NAV2: variants seen among roughly 807,000 people sequenced by gnomAD.
NAV2 encodes helicase, APC down-regulated 1.
NAV2 carries 54 observed loss-of-function variants against 223.2 expected under a neutral mutation model. That is an observed-to-expected ratio of 0.24 (90% CI 0.19 to 0.30). The LOEUF (loss-of-function observed/expected upper bound fraction) is 0.30. Ranked by LOEUF, NAV2 falls within the 10% of genes least tolerant of loss-of-function variation. The pLI, the probability that NAV2 is intolerant of heterozygous loss-of-function variation, is 1.00. For synonymous variants in NAV2, 1,279 were observed against 1,239.3 expected (o/e 1.03, Z -0.67); for missense variants, 2,806 against 3,147.5 (o/e 0.89, Z 2.60).
Position 20,008,549 on chromosome 11 carries a change from T to G in NAV2, c.2768+24302T>G, listed in dbSNP as rs922045949. Among the ~76,000 whole-genome samples the G allele has an allele frequency of 1.4e-4, 21 of 152,310 alleles. No individual in the cohort carries two copies. The East Asian group carries it at 1.7e-3, about 13-fold the overall frequency. Reference sequence around the variant, plus strand: ...CATGCTTGCCATCAGCATCTTAAGCTTGACCCTTAGGATAGAGGCTCAGAT... The same window carrying G: ...CATGCTTGCCATCAGCATCTTAAGCGTGACCCTTAGGATAGAGGCTCAGAT... On this transcript the variant is annotated intron_variant, in intron 11 of 37. Transcript: ENST00000349880.
chr11:19,884,765 T>G (rs2153105213), intron 5 of NAV2, among the ~76,000 whole-genome samples: 1 of 141,988 alleles, frequency 7.0e-6, no homozygotes, highest in Admixed American at 7.2e-5. Context: ...ATCTCATTTA[T>G]GTGTCTTGTG....
At position 19,485,935 on chromosome 11, in the gene NAV2, A is replaced by C. The variant is rs2042430485; in HGVS notation, c.75+134908A>C. Among the ~76,000 whole-genome samples, 3 of 152,120 alleles carry C rather than the reference A, an allele frequency of 2.0e-5. No individual in the cohort carries two copies. The South Asian group carries it at 6.2e-4, about 32-fold the overall frequency. On this transcript the variant is annotated intron_variant, in intron 1 of 37. Coordinates refer to the NAV2 transcript ENST00000360655. ...GAAAGCTTGAACCTGATTGCAGGGC[A>C]GGAGAAAAGAGGCTGGGCAGAAATG... is the stretch of plus-strand genomic sequence containing the variant.
chr11:19,972,292 G>T (rs768636896), intron 10 of NAV2, among the ~76,000 whole-genome samples: 2 of 152,208 alleles, frequency 1.3e-5, no homozygotes, highest in Non-Finnish European at 2.9e-5. Context: ...GTTTCTGAAG[G>T]TGACATCTGG....
At chr11:19,400,108 T>C (rs1849621585) in intron 1 of NAV2, among the ~76,000 whole-genome samples, 1 of 152,144 alleles carries the variant, frequency 6.6e-6, no homozygotes. Context: ...TTGTGGGGAC[T>C]GGGAATGTGT....
intron 36 of NAV2, among the ~76,000 whole-genome samples, chr11:20,112,794 T>A (rs1359139928): frequency 1.3e-5 from 2 of 152,226 alleles, no homozygotes; most frequent in Non-Finnish European, 2.9e-5. Context: ...CAGGCCTTGA[T>A]TGGCCCATCT....
At chr11:19,389,335 A>G (rs1849159662) in intron 1 of NAV2, among the ~76,000 whole-genome samples, 1 of 152,262 alleles carries the variant, frequency 6.6e-6, no homozygotes, top group Non-Finnish European at 1.5e-5. Flanking sequence ...TATGGAGACA[A>G]GCAAATAAAT....
intron 37 of NAV2, among the ~76,000 whole-genome samples, chr11:20,117,321 G>C (rs897850065): frequency 6.6e-6 from 1 of 152,146 alleles, no homozygotes; most frequent in African/African-American, 2.4e-5. Context: ...GATGACAACA[G>C]ATGACATTTA....
In NAV2 at chr11:20,097,758, G is replaced by A. The variant is rs1224931646; in HGVS notation, c.6181+13G>A. On this transcript the variant is annotated intron_variant, in intron 31 of 37. Coordinates refer to ENST00000349880, the MANE Select transcript of NAV2 (RefSeq NM_145117.5). The stretch of plus-strand genomic sequence containing the variant: ...GTGACTGTGAAAGGTAATTGAGCTT[G>A]TTGCAGAAGTCGGAGCTTTCAGGAA... 6.4e-7 allele frequency: 1 copy of A among 1,563,982 alleles called. No individual in the cohort carries two copies. The highest frequency in any genetic ancestry group is 2.0e-5 in the Admixed American group (1 of 50,138).
chr11:19,894,434 TAA>T (rs759652861), intron 6 of NAV2, among the ~76,000 whole-genome samples: 3 of 152,182 alleles, frequency 2.0e-5, no homozygotes, highest in Non-Finnish European at 4.4e-5. Flanking sequence ...GAAGCTATCA[TAA>T]AAGAGTCTGA....
intron 1 of NAV2, among the ~76,000 whole-genome samples, chr11:19,492,189 T>G (rs2042651989): frequency 6.6e-6 from 1 of 151,878 alleles, no homozygotes; most frequent in African/African-American, 2.4e-5. Context: ...TACCAAACTG[T>G]GACACAGAGG....
At chr11:19,651,719 A>T (rs2047972901) in intron 1 of NAV2, among the ~76,000 whole-genome samples, 1 of 152,256 alleles carries the variant, frequency 6.6e-6, no homozygotes, top group African/African-American at 2.4e-5. Flanking sequence ...AGCTCAATGC[A>T]TGGAAACTTG....
intron 1 of NAV2, among the ~76,000 whole-genome samples, chr11:19,692,436 A>C (rs991102603): frequency 1.3e-5 from 2 of 152,260 alleles, no homozygotes; most frequent in African/African-American, 4.8e-5. Flanking sequence ...CATATGACTT[A>C]TCTGGAAACA....
chr11:19,667,050 A>C (rs2048431931), intron 1 of NAV2, among the ~76,000 whole-genome samples: 1 of 148,554 alleles, frequency 6.7e-6, no homozygotes, highest in African/African-American at 2.5e-5. Context: ...CCCAACCCCC[A>C]GACTAGACCC....
intron 1 of NAV2, among the ~76,000 whole-genome samples, chr11:19,624,975 T>C (rs2047121879): frequency 6.6e-6 from 1 of 152,242 alleles, no homozygotes; most frequent in African/African-American, 2.4e-5. Flanking sequence ...ATGAAGTACA[T>C]AGTGATGTTT....
chr11:19,549,255 C>A (rs1469209802), intron 1 of NAV2, among the ~76,000 whole-genome samples: 5 of 152,170 alleles, frequency 3.3e-5, no homozygotes, highest in Non-Finnish European at 5.9e-5. Flanking sequence ...AGCCCTGGGG[C>A]TCCTACCTCT....
At chr11:19,786,846 T>A (rs992050398) in intron 1 of NAV2, among the ~76,000 whole-genome samples, 17 of 151,914 alleles carry the variant, frequency 1.1e-4, no homozygotes, top group African/African-American at 4.1e-4. Context: ...TGTGTTAAGG[T>A]GGGTGTGGTA....
intron 10 of NAV2, among the ~76,000 whole-genome samples, chr11:19,969,361 A>T (rs946717965): frequency 1.3e-5 from 2 of 152,188 alleles, no homozygotes; most frequent in Admixed American, 6.5e-5. Flanking sequence ...TCTTCCTGGA[A>T]GTCCTTTTTG....
At chr11:19,640,964 G>T (rs1276330023) in intron 1 of NAV2, among the ~76,000 whole-genome samples, 1 of 152,164 alleles carries the variant, frequency 6.6e-6, no homozygotes, top group Non-Finnish European at 1.5e-5. Context: ...CCCCACCTAG[G>T]GAAAGGAGCT....
intron 6 of NAV2, among the ~76,000 whole-genome samples, chr11:19,904,072 T>G (rs112783626): frequency 6.6e-6 from 1 of 152,200 alleles, no homozygotes; most frequent in Admixed American, 6.5e-5. Flanking sequence ...AGAAGGATTT[T>G]TGAAGGCACT....
Sources: gnomAD v4.1 joint callset for allele counts (sites outside exome capture counted in the v4.1 genomes callset) on GRCh38, gnomAD v4.1.1 for gene constraint, MANE v1.5 for transcripts, NCBI Gene and HGNC (gene_info 2026-07-23, HGNC 2026-07-21) for gene names.